Variants in USP31 observed in about 807,000 individuals in gnomAD.
USP31 encodes ubiquitin specific peptidase 31.
In USP31, 44 loss-of-function variants were observed where a neutral mutation model predicts 119.4. The ratio of observed to expected loss-of-function variants is 0.37; its 90% CI spans 0.29 to 0.47. USP31 has a LOEUF of 0.47. USP31 is among the 20% of genes least tolerant of loss of function. The pLI is 0.99. For synonymous variants in USP31, 749 were observed against 705.6 expected (o/e 1.06, Z -0.97); for missense variants, 1,643 against 1,730.2 (o/e 0.95, Z 0.89).
intron 1 of USP31, among the ~76,000 whole-genome samples, chr16:23,117,760 T>TTTTTTGTTG (rs1555468289): frequency 3.4e-5 from 5 of 145,110 alleles, no homozygotes; most frequent in South Asian, 2.2e-4. Flanking sequence ...TCTTTTTTTT[T>TTTTTTGTTG]TTGTTGTTGT....
intron 1 of USP31, among the ~76,000 whole-genome samples, chr16:23,146,933 G>A (rs1175830523): frequency 6.7e-6 from 1 of 149,206 alleles, no homozygotes; most frequent in East Asian, 2.0e-4. Flanking sequence ...ACTGTTACCT[G>A]CCAATGCTTC....
chr16:23,092,826 G>A (rs757493209), intron 6 of USP31, among the ~76,000 whole-genome samples: 19 of 152,136 alleles, frequency 1.2e-4, no homozygotes, highest in Admixed American at 9.2e-4. Context: ...CAGGATCACC[G>A]AAAGAATCAG....
At chr16:23,078,500 G>T (rs910985993) in intron 13 of USP31, among the ~76,000 whole-genome samples, 5 of 152,108 alleles carry the variant, frequency 3.3e-5, no homozygotes, top group Non-Finnish European at 5.9e-5. Flanking sequence ...GAGGCGGCAG[G>T]CTCCTTTCCC....
chr16:23,138,821 A>G (rs936605721), intron 1 of USP31, among the ~76,000 whole-genome samples: 1 of 152,056 alleles, frequency 6.6e-6, no homozygotes, highest in Non-Finnish European at 1.5e-5. Context: ...CGGAGCAGGT[A>G]TTGTTTCTTC....
At chr16:23,110,942 C>T (rs1478761198) in intron 1 of USP31, among the ~76,000 whole-genome samples, 1 of 152,016 alleles carries the variant, frequency 6.6e-6, no homozygotes. Context: ...TCCTAGTTAA[C>T]ATGGTGAAAC....
In USP31 at chr16:23,142,220, C is replaced by G. The variant is rs185081548; in HGVS notation, c.633+6418G>C. Among the ~76,000 whole-genome samples the G allele has an allele frequency of 1.2e-3, 178 of 152,298 alleles. 1 individual carries two copies. The highest frequency in any genetic ancestry group is 1.8e-3 in the Non-Finnish European group (120 of 68,014). Reference sequence around the variant, plus strand: ...TTGTAATTCTTACACTTCACTTTTACCAAACTTGGTAAGATGTGGTAAACA... The same window carrying G: ...TTGTAATTCTTACACTTCACTTTTAGCAAACTTGGTAAGATGTGGTAAACA... On this transcript the variant is annotated intron_variant, in intron 1 of 15. Transcript: ENST00000219689.
In USP31 at chr16:23,068,659, G is replaced by A; in HGVS notation, c.3446C>T (p.Thr1149Ile). The A allele has an allele frequency of 2.5e-6, 4 of 1,614,258 alleles. No individual in the cohort carries two copies. The highest frequency in any genetic ancestry group is 3.4e-6 in the Non-Finnish European group (4 of 1,180,052). ...CTCTCTACTCAAGCTGTGGTCTGAA[G>A]TCCTGCTCTTCCCAGGTGGGAAAGG... is the stretch of plus-strand genomic sequence containing the variant. ...RSPFPPGKSRTSDHSLSREGS... is the reference protein window; with the variant it reads ...RSPFPPGKSRISDHSLSREGS... The change falls in exon 16 of 16, where the codon ACT (threonine) becomes ATT (isoleucine). Residue 1149 changes from threonine to isoleucine, a missense_variant. Transcript: ENST00000219689.
At chr16:23,138,497 G>GA (rs1903258893) in intron 1 of USP31, among the ~76,000 whole-genome samples, 1 of 152,082 alleles carries the variant, frequency 6.6e-6, no homozygotes, top group Non-Finnish European at 1.5e-5. Context: ...AAAAATAAAA[G>GA]AAAAAAGACA....
intron 1 of USP31, among the ~76,000 whole-genome samples, chr16:23,110,978 A>C (rs951719217): frequency 2.0e-5 from 3 of 152,016 alleles, no homozygotes; most frequent in African/African-American, 7.2e-5. Flanking sequence ...AATACAAAAA[A>C]TTAGCCAGGC....
rs1315929899 is a variant in USP31, at chr16:23,147,062, G to GA, written c.633+1575dup. Among the ~76,000 whole-genome samples, 265 of 144,566 alleles carry GA rather than the reference G, an allele frequency of 1.8e-3. 2 individuals are homozygous for GA. Among genetic ancestry groups the GA allele is most frequent in the African/African-American group, 5.7e-3 (228 of 39,656 alleles). The allele number at this position is 144,566 out of a possible 152,430, so 94.8% of individuals were successfully genotyped here. Reference sequence around the variant, plus strand: ...TTCGTCCTGGGCAAGATTAGGATAGGAAAAAAAAAAAGGAATTAACCTTCT... The same window carrying GA: ...TTCGTCCTGGGCAAGATTAGGATAGGAAAAAAAAAAAAGGAATTAACCTTCT... On this transcript the variant is annotated intron_variant, in intron 1 of 15. Transcript: ENST00000219689.
rs752929213 is a variant in USP31 at position 23,068,917 on chromosome 16, G to C, written c.3188C>G (p.Pro1063Arg). 4.8e-5 allele frequency: 77 copies of C among 1,613,130 alleles called. 1 individual carries two copies. In the Middle Eastern group the frequency reaches 1.2e-3, roughly 24 times the overall value. ...LSSTSPSSPL[P>R]VKVSLKPSRS... ...GGAGGGCTTTAGAGAGACTTTTACA[G>C]GAAGAGGAGAAGAAGGGGATGTACT... The change falls in exon 16 of 16, where the codon CCT (proline) becomes CGT (arginine). Residue 1063 changes from proline (P) to arginine (R), a missense_variant. This residue lies in a region of USP31 where 699 missense variants were observed against 650.9 expected (regional missense o/e 1.07). Coordinates refer to ENST00000219689, the MANE Select transcript of USP31 (RefSeq NM_020718.4).
intron 1 of USP31, among the ~76,000 whole-genome samples, chr16:23,120,109 C>G (rs954846848): frequency 6.6e-6 from 1 of 152,124 alleles, no homozygotes; most frequent in African/African-American, 2.4e-5. Flanking sequence ...TTTTCCAACA[C>G]AATCTACAAT....
rs1596717107 is a variant in USP31, at chr16:23,108,188, G to T, written c.634-5C>A. The T allele has an allele frequency of 1.9e-6, 3 of 1,600,988 alleles. No individual in the cohort carries two copies. Among genetic ancestry groups the T allele is most frequent in the Non-Finnish European group, 8.5e-7 (1 of 1,174,976 alleles). ...TGCATTCTTTGACACAATAGTCTAT[G>T]CAGGTAAATAAATCACCATGAACAG... On this transcript the variant is annotated splice_region_variant and splice_polypyrimidine_tract_variant and intron_variant, in intron 1 of 15. Transcript: ENST00000219689.
chr16:23,093,348 A>T (rs1276367645), intron 6 of USP31, among the ~76,000 whole-genome samples: 1 of 152,226 alleles, frequency 6.6e-6, no homozygotes, highest in Non-Finnish European at 1.5e-5. Context: ...ACAAAAAGAT[A>T]ATGCAATTTA....
intron 1 of USP31, among the ~76,000 whole-genome samples, chr16:23,115,107 C>A (rs1902448650): frequency 6.6e-6 from 1 of 152,176 alleles, no homozygotes; most frequent in Admixed American, 6.5e-5. Context: ...AGATAAGACC[C>A]CTGCATCCCA....
At chr16:23,107,187 G>C (rs1245793499) in intron 2 of USP31, among the ~76,000 whole-genome samples, 1 of 151,708 alleles carries the variant, frequency 6.6e-6, no homozygotes, top group Non-Finnish European at 1.5e-5. Flanking sequence ...CTGTATGTTG[G>C]TGCCTAATCA....
At chr16:23,102,548 A>ATGG in intron 5 of USP31, 85 bp from the exon 6 acceptor site, 1 of 1,460,628 alleles carries the variant, frequency 6.8e-7, no homozygotes, top group Non-Finnish European at 9.2e-7. Flanking sequence ...TCTCCAGACC[A>ATGG]TCAGGACTGG....
intron 1 of USP31, among the ~76,000 whole-genome samples, chr16:23,119,766 G>A (rs1266619367): frequency 6.6e-6 from 1 of 152,228 alleles, no homozygotes; most frequent in Non-Finnish European, 1.5e-5. Flanking sequence ...GATGTAGAAA[G>A]ATCAAGTTGC....
At chr16:23,124,946 A>G (rs1038520453) in intron 1 of USP31, among the ~76,000 whole-genome samples, 3 of 152,192 alleles carry the variant, frequency 2.0e-5, no homozygotes, top group Non-Finnish European at 4.4e-5. Context: ...GGCAAGCTAT[A>G]AAACAATCAG....
Sources: allele counts gnomAD v4.1 joint callset (sites outside exome capture counted in the v4.1 genomes callset), GRCh38; gene constraint gnomAD v4.1.1; regional missense constraint gnomAD v4.1.1; transcripts MANE v1.5; gene names NCBI Gene and HGNC (gene_info 2026-07-23, HGNC 2026-07-21).